The following MID1 variants were observed in gnomAD, a reference collection of about 807,000 sequenced individuals.
The protein encoded by MID1 is midline 1, also known as E3 ubiquitin-protein ligase Midline-1.
In MID1, 7 loss-of-function variants were observed where a neutral mutation model predicts 40.4. The ratio of observed to expected loss-of-function variants is 0.17; its 90% confidence interval spans 0.10 to 0.33. The LOEUF is 0.33. MID1 is among the 10% of genes least tolerant of loss of function. The pLI is 1.00. For missense variants in MID1, 367 were observed against 558.5 expected (o/e 0.66, Z 3.46); for synonymous variants, 229 against 221.2 (o/e 1.04, Z -0.31).
chrX:10,513,052 T>C (rs1264167823), intron 3 of MID1, among the ~76,000 whole-genome samples: 1 of 112,564 alleles, frequency 8.9e-6, no homozygotes, highest in Non-Finnish European at 1.9e-5. Flanking sequence ...CATGACTCAA[T>C]TATTTTGCTG....
intron 1 of MID1, among the ~76,000 whole-genome samples, chrX:10,676,524 C>T (rs1424394890): frequency 1.8e-5 from 2 of 111,952 alleles, no homozygotes; most frequent in African/African-American, 3.2e-5. Flanking sequence ...AACCCCTCAG[C>T]TGCTCTAGGC....
intron 1 of MID1, among the ~76,000 whole-genome samples, chrX:10,735,925 C>G (rs1202832749): frequency 9.0e-6 from 1 of 110,529 alleles, no homozygotes. Flanking sequence ...AGCCACTGCA[C>G]CAGCCTATAT....
Position 10,712,929 on chromosome X carries a change from C to A in MID1, c.-186-92510G>T, listed in dbSNP as rs2043278549. On this transcript the variant is annotated intron_variant, in intron 1 of 10. Coordinates refer to the MID1 transcript ENST00000380785. ...TCGGCTCACCACAACCTCTGCCTCC[C>A]AGGTTCAAGCGATTCTCCTGCCTCA... 2.7e-5 allele frequency among the ~76,000 whole-genome samples: 3 copies of A among 111,472 alleles called. No homozygotes were observed. In the South Asian group the frequency reaches 1.1e-3, roughly 43 times the overall value.
intron 2 of MID1, among the ~76,000 whole-genome samples, chrX:10,533,391 A>AAAAGAAAG (rs748385663): frequency 0.03 from 1,626 of 54,973 alleles, 38 homozygotes; most frequent in African/African-American, 0.042. Flanking sequence ...AGAAAGAAAG[A>AAAAGAAAG]AAAGAAAGAA....
At chrX:10,716,952 C>T (rs1204752439) in intron 1 of MID1, among the ~76,000 whole-genome samples, 11 of 110,710 alleles carry the variant, frequency 9.9e-5, no homozygotes, top group African/African-American at 2.6e-4. Context: ...CTAAGCTTCA[C>T]AAGTGAAGGA....
At chrX:10,632,359 T>C (rs766297098) in intron 1 of MID1, among the ~76,000 whole-genome samples, 1 of 112,032 alleles carries the variant, frequency 8.9e-6, no homozygotes, top group East Asian at 2.8e-4. Context: ...GAACCATTAG[T>C]TGCTTTGGCT....
rs780738578 is a variant in MID1, at chrX:10,797,880, T to C, written c.-187+35674A>G. Among the ~76,000 whole-genome samples, 70 of 111,839 alleles carry C rather than the reference T, an allele frequency of 6.3e-4. 1 individual carries two copies. The highest frequency in any genetic ancestry group is 2.2e-3 in the African/African-American group (68 of 30,766). On this transcript the variant is annotated intron_variant, in intron 1 of 10. Transcript: ENST00000380785. Reference sequence around the variant, plus strand: ...CCCCAGTGCAGTCCAGTCAATCCTGTTTTCTTCTCCAGACTTTGCCCATCA... The same window carrying C: ...CCCCAGTGCAGTCCAGTCAATCCTGCTTTCTTCTCCAGACTTTGCCCATCA...
Position 10,447,101 on chromosome X carries a change from A to G in MID1, c.*2267T>C, listed in dbSNP as rs1197291205. The G allele has an allele frequency of 1.8e-5, 2 of 111,710 alleles. No individual in the cohort carries two copies. Among genetic ancestry groups the G allele is most frequent in the East Asian group, 2.8e-4 (1 of 3,594 alleles). The allele number at this position is 111,710 out of a possible 1,213,427, so 9.2% of individuals were successfully genotyped here. A position where few individuals can be genotyped will look rare whatever the true frequency, so the allele number is the denominator to read the frequency against. ...TACATATTTTCCTGTAAATATGACA[A>G]CCTGGAACTAGTAACTGCTACTATC... On this transcript the variant is annotated 3_prime_UTR_variant, in exon 10 of 10. Transcript: ENST00000317552.
intron 1 of MID1, among the ~76,000 whole-genome samples, chrX:10,615,787 T>C (rs1353602528): frequency 2.7e-5 from 3 of 112,184 alleles, no homozygotes; most frequent in Non-Finnish European, 3.8e-5. Flanking sequence ...CTCATAAAAC[T>C]GGGCAAACAA....
intron 1 of MID1, among the ~76,000 whole-genome samples, chrX:10,580,141 A>G (rs1197923223): frequency 1.8e-5 from 2 of 109,578 alleles, no homozygotes; most frequent in African/African-American, 3.3e-5. Flanking sequence ...CACACACTGT[A>G]AAGTGTCATA....
intron 1 of MID1, among the ~76,000 whole-genome samples, chrX:10,661,942 G>A (rs2042916725): frequency 8.9e-6 from 1 of 112,310 alleles, no homozygotes; most frequent in Admixed American, 9.4e-5. Context: ...TATTAAAACA[G>A]TATTTACAAT....
chrX:10,797,615 G>A (rs147741334), intron 1 of MID1, among the ~76,000 whole-genome samples: 223 of 111,497 alleles, frequency 2.0e-3, no homozygotes, highest in African/African-American at 6.9e-3. Context: ...AAGGCTGCTG[G>A]CTCCCATTGT....
chrX:10,669,208 A>G (rs1287085855), intron 1 of MID1, among the ~76,000 whole-genome samples: 2 of 97,079 alleles, frequency 2.1e-5, no homozygotes, highest in African/African-American at 8.0e-5. Flanking sequence ...CCTGGGCGAC[A>G]GAGTGAGACT....
Position 10,469,440 on chromosome X carries a change from A to G in MID1, c.1285+257T>C, listed in dbSNP as rs183788630. 660 of 1,090,307 alleles carry G rather than the reference A, an allele frequency of 6.1e-4. 2 individuals are homozygous for G. In the African/African-American group the frequency reaches 9.1e-3, roughly 15 times the overall value. 89.9% of individuals were successfully genotyped at this position (1,090,307 alleles called of 1,213,427 possible). A position where few individuals can be genotyped will look rare whatever the true frequency, so the allele number is the denominator to read the frequency against. ...TCTCTCTATATATTTGTTTCTCTCT[A>G]TATATTTGTTTCTGGCTTCTTTCCC... On this transcript the variant is annotated intron_variant, in intron 7 of 9. Transcript: ENST00000317552.
chrX:10,550,470 A>C (rs2147430115), intron 2 of MID1, among the ~76,000 whole-genome samples: 1 of 112,032 alleles, frequency 8.9e-6, no homozygotes, highest in East Asian at 2.8e-4. Flanking sequence ...GGGTGAGAGA[A>C]GCCCGCTGTG....
chrX:10,574,800 G>A (rs946147590), intron 1 of MID1, among the ~76,000 whole-genome samples: 6 of 112,530 alleles, frequency 5.3e-5, no homozygotes, highest in Non-Finnish European at 9.4e-5. Context: ...TGAGTCATTA[G>A]ACCAAGGAAT....
Position 10,449,718 on chromosome X carries a change from T to G in MID1, c.1656-2A>C. ...TTGTAAGCAAGACCAATGGCATACC[T>G]GCGGAAACAAAACAGCAACAACAAA... is the stretch of plus-strand genomic sequence containing the variant. On this transcript the variant is annotated splice_acceptor_variant, in intron 9 of 9. Transcript: ENST00000317552. LOFTEE classifies it high-confidence loss of function. The G allele has an allele frequency of 8.4e-7, 1 of 1,188,891 alleles. No individual in the cohort carries two copies. The highest frequency in any genetic ancestry group is 1.1e-6 in the Non-Finnish European group (1 of 875,275).
At chrX:10,723,168 G>A (rs2043368978) in intron 1 of MID1, among the ~76,000 whole-genome samples, 1 of 112,106 alleles carries the variant, frequency 8.9e-6, no homozygotes, top group Non-Finnish European at 1.9e-5. Flanking sequence ...TCTGAAACCA[G>A]CTGTATTTCA....
intron 1 of MID1, among the ~76,000 whole-genome samples, chrX:10,743,287 A>G (rs2043537005): frequency 1.8e-5 from 2 of 112,835 alleles, no homozygotes; most frequent in South Asian, 7.3e-4. Flanking sequence ...GGCTATAGCC[A>G]TAAACAAAAC....
Sources: gnomAD v4.1 joint callset for allele counts (sites outside exome capture counted in the v4.1 genomes callset) on GRCh38, gnomAD v4.1.1 for gene constraint, MANE v1.5 for transcripts, NCBI Gene and HGNC (gene_info 2026-07-23, HGNC 2026-07-21) for gene names.